ZFHX3: variants seen among roughly 807,000 people sequenced by gnomAD.
ZFHX3 encodes the protein zinc finger homeobox 3.
A neutral mutation model predicts 279.1 loss-of-function variants in ZFHX3; 42 were observed. The observed-to-expected ratio is 0.15, with a 90% CI of 0.12 to 0.19. The LOEUF is 0.19. Ranked by LOEUF, ZFHX3 falls within the 10% of genes least tolerant of loss-of-function variation. The pLI, the probability that ZFHX3 is intolerant of heterozygous loss-of-function variation, is 1.00. For missense variants in ZFHX3, 4,981 were observed against 4,754.0 expected (o/e 1.05, Z -1.40); for synonymous variants, 2,293 against 1,957.8 (o/e 1.17, Z -4.52).
At chr16:73,414,492 T>C (rs1385753945) in intron 3 of ZFHX3, among the ~76,000 whole-genome samples, 1 of 152,230 alleles carries the variant, frequency 6.6e-6, no homozygotes, top group Non-Finnish European at 1.5e-5. Flanking sequence ...TTCCCTGTGA[T>C]TCTCCAACTT....
At chr16:73,073,992 G>A (rs573507312) in intron 8 of ZFHX3, among the ~76,000 whole-genome samples, 1 of 152,314 alleles carries the variant, frequency 6.6e-6, no homozygotes, top group African/African-American at 2.4e-5. Context: ...ACAGGTTCCC[G>A]ACTCCCAGCT....
chr16:73,877,201 T>TGGGGGGGGTGAGGG (rs112129642), intron 1 of ZFHX3, among the ~76,000 whole-genome samples: 1 of 105,582 alleles, frequency 9.5e-6, no homozygotes, highest in African/African-American at 3.6e-5. Context: ...GGGGGTTAGG[T>TGGGGGGGGTGAGGG]CGGGGGGGGG....
chr16:73,709,017 T>C (rs372103115), intron 1 of ZFHX3, among the ~76,000 whole-genome samples: 43 of 152,236 alleles, frequency 2.8e-4, no homozygotes, highest in African/African-American at 8.4e-4. Flanking sequence ...TAAAGCGGCA[T>C]ATTTTGGGGT....
At chr16:73,811,501 G>A (rs1413569230) in intron 1 of ZFHX3, among the ~76,000 whole-genome samples, 11 of 144,798 alleles carry the variant, frequency 7.6e-5, no homozygotes, top group Admixed American at 4.3e-4. Flanking sequence ...GGGAGTGGCA[G>A]TGGCGTGATC....
intron 1 of ZFHX3, among the ~76,000 whole-genome samples, chr16:73,757,951 T>G (rs986366335): frequency 2.0e-5 from 3 of 152,152 alleles, no homozygotes; most frequent in African/African-American, 7.2e-5. Flanking sequence ...AACACAGAAA[T>G]TATTTCAGTA....
rs1967725975 is a variant in ZFHX3 at position 73,178,891 on chromosome 16, C to T, written c.-1103-35060G>A. Reference sequence around the variant, plus strand: ...TTCATCCATCCATCCATGCACCTACCCACCCAACGATACGTAAATAAGCTT... The same window carrying T: ...TTCATCCATCCATCCATGCACCTACTCACCCAACGATACGTAAATAAGCTT... On this transcript the variant is annotated intron_variant, in intron 5 of 17. Transcript: ENST00000641206. Among the ~76,000 whole-genome samples the T allele has an allele frequency of 3.9e-5, 6 of 152,102 alleles. No individual in the cohort carries two copies. In the South Asian group the frequency reaches 1.2e-3, roughly 32 times the overall value.
intron 5 of ZFHX3, among the ~76,000 whole-genome samples, chr16:73,200,740 ATTATAG>A (rs941387133): frequency 6.0e-4 from 92 of 152,334 alleles, no homozygotes; most frequent in African/African-American, 1.5e-3. Flanking sequence ...ATCTGGACCA[ATTATAG>A]TTAATTTGTT....
Position 72,797,486 on chromosome 16 carries a change from TTGCTGTTGCTGC to T in ZFHX3, c.5184_5195del (p.Gln1738_Gln1741del), listed in dbSNP as rs773965867. ...GTTGTTGTTGTTGTTGTTGTTGTTG[TTGCTGTTGCTGC>T]TGCTGTTGTTGCTGCTGCCTGGATG... On this transcript the variant is annotated inframe_deletion, in exon 9 of 10. Coordinates refer to ENST00000268489, the MANE Select transcript of ZFHX3 (RefSeq NM_006885.4). 6 of 1,610,858 alleles carry T rather than the reference TTGCTGTTGCTGC, an allele frequency of 3.7e-6. No homozygotes were observed. Among genetic ancestry groups the T allele is most frequent in the Non-Finnish European group, 5.1e-6 (6 of 1,177,962 alleles).
rs926613581 is a variant in ZFHX3, at chr16:73,173,362, T to C, written c.-1103-29531A>G. ...CAGTTAATTGCATTAGCAGGTATTT[T>C]CCCCCCGCCCCTCCCGCCCCGGCAT... On this transcript the variant is annotated intron_variant, in intron 5 of 17. Coordinates refer to the ZFHX3 transcript ENST00000641206. Among the ~76,000 whole-genome samples the C allele has an allele frequency of 2.2e-4, 33 of 149,994 alleles. 1 individual carries two copies. Among genetic ancestry groups the C allele is most frequent in the Admixed American group, 1.3e-4 (2 of 14,908 alleles).
intron 3 of ZFHX3, among the ~76,000 whole-genome samples, chr16:72,892,167 A>G (rs2038788433): frequency 6.6e-6 from 1 of 152,256 alleles, no homozygotes. Context: ...AAGAAGAAAC[A>G]TAAATGCACC....
intron 1 of ZFHX3, among the ~76,000 whole-genome samples, chr16:73,876,551 T>C (rs781445892): frequency 3.9e-5 from 6 of 152,238 alleles, no homozygotes; most frequent in Non-Finnish European, 8.8e-5. Flanking sequence ...TTAGCTAAAG[T>C]ACATTATCAC....
Position 72,912,543 on chromosome 16 carries a change from G to T in ZFHX3, c.3217-22581C>A, listed in dbSNP as rs79331710. Reference sequence around the variant, plus strand: ...GCTTCTAAGGCGTATGATCAGAATGGGAGTCAAAAAGGCTTTTTAAGACTT... The same window carrying T: ...GCTTCTAAGGCGTATGATCAGAATGTGAGTCAAAAAGGCTTTTTAAGACTT... On this transcript the variant is annotated intron_variant, in intron 3 of 9. Transcript: ENST00000268489. Among the ~76,000 whole-genome samples the T allele has an allele frequency of 3.2e-3, 488 of 152,164 alleles. 2 individuals carry two copies. The highest frequency in any genetic ancestry group is 0.011 in the African/African-American group (475 of 41,518).
chr16:73,817,642 C>A (rs1022215566), intron 1 of ZFHX3, among the ~76,000 whole-genome samples: 2 of 152,188 alleles, frequency 1.3e-5, no homozygotes, highest in Non-Finnish European at 2.9e-5. Context: ...AACAAACAGG[C>A]CTGGTGCCCA....
intron 3 of ZFHX3, among the ~76,000 whole-genome samples, chr16:73,334,833 T>TTC: frequency 7.0e-6 from 1 of 143,414 alleles, no homozygotes; most frequent in Non-Finnish European, 1.5e-5. Flanking sequence ...TTTTTTTTTT[T>TTC]TTTGCAAAAT....
chr16:73,141,630 T>A (rs989905661), intron 6 of ZFHX3, among the ~76,000 whole-genome samples: 4 of 152,156 alleles, frequency 2.6e-5, no homozygotes, highest in African/African-American at 9.7e-5. Context: ...ACTCCTGGGC[T>A]CAAGCGATCC....
chr16:73,678,718 C>T (rs915153278), intron 2 of ZFHX3, among the ~76,000 whole-genome samples: 3 of 152,142 alleles, frequency 2.0e-5, no homozygotes, highest in African/African-American at 7.2e-5. Context: ...CCCAGCACCA[C>T]AGTGATTACA....
chr16:73,748,908 C>A (rs2053729855), intron 1 of ZFHX3, among the ~76,000 whole-genome samples: 1 of 152,156 alleles, frequency 6.6e-6, no homozygotes, highest in African/African-American at 2.4e-5. Flanking sequence ...CTGCCTCAGC[C>A]TCCTGAGTAG....
chr16:73,105,996 C>T (rs1017802328), intron 7 of ZFHX3, among the ~76,000 whole-genome samples: 13 of 148,178 alleles, frequency 8.8e-5, no homozygotes, highest in African/African-American at 3.2e-4. Context: ...GCCCGGAACG[C>T]CAGCCTCAGA....
chr16:73,105,279 A>G lies in ZFHX3; in HGVS notation c.-896-11681T>C, dbSNP rs1966281031. On this transcript the variant is annotated intron_variant, in intron 7 of 17. Coordinates refer to the ZFHX3 transcript ENST00000641206. The stretch of plus-strand genomic sequence containing the variant: ...TATATATGCATATATATATACACAC[A>G]CAGACACACACATACATATATATAC... 2.0e-5 allele frequency among the ~76,000 whole-genome samples: 3 copies of G among 149,288 alleles called. No homozygotes were observed. In the Admixed American group the frequency reaches 2.0e-4, roughly 10 times the overall value.
Sources: allele counts gnomAD v4.1 joint callset (sites outside exome capture counted in the v4.1 genomes callset), GRCh38; gene constraint gnomAD v4.1.1; transcripts MANE v1.5; gene names NCBI Gene and HGNC (gene_info 2026-07-23, HGNC 2026-07-21).